Variants in ARHGEF10L observed in about 807,000 individuals in gnomAD.
ARHGEF10L encodes Rho guanine nucleotide exchange factor 10 like, also known as rho guanine nucleotide exchange factor 10-like protein.
In ARHGEF10L, 69 loss-of-function variants were observed where a neutral mutation model predicts 141.2. That is an observed-to-expected ratio of 0.49 (90% confidence interval 0.40 to 0.60). The LOEUF (loss-of-function observed/expected upper bound fraction) is 0.60. Among genes scored for constraint, ARHGEF10L ranks in the 20% least tolerant of loss-of-function variants. The pLI, the probability that ARHGEF10L is intolerant of heterozygous loss-of-function variation, is 0.00. For missense variants in ARHGEF10L, 1,482 were observed against 1,734.3 expected, an observed-to-expected ratio of 0.85 and a Z score of 2.58; for synonymous variants, 711 against 718.5, an observed-to-expected ratio of 0.99 and a Z score of 0.17.
intron 10 of ARHGEF10L, among the ~76,000 whole-genome samples, chr1:17,620,782 T>C (rs2060066534): frequency 6.6e-6 from 1 of 152,144 alleles, no homozygotes; most frequent in Non-Finnish European, 1.5e-5. Flanking sequence ...TGGGCTCCCC[T>C]TCAGACCCCT....
intron 25 of ARHGEF10L, among the ~76,000 whole-genome samples, chr1:17,657,593 G>A (rs915716824): frequency 7.9e-5 from 12 of 152,164 alleles, no homozygotes; most frequent in Admixed American, 6.5e-5. Flanking sequence ...GGTTATAAAC[G>A]GATATTTGTA....
At chr1:17,565,432 C>A (rs1192868280) in intron 1 of ARHGEF10L, among the ~76,000 whole-genome samples, 2 of 152,240 alleles carry the variant, frequency 1.3e-5, no homozygotes, top group Admixed American at 6.5e-5. Context: ...TGCAGACGAA[C>A]TATCCATGCT....
Position 17,622,981 on chromosome 1 carries a change from C to G in ARHGEF10L, c.1021-15C>G. The G allele has an allele frequency of 6.2e-7, 1 of 1,606,840 alleles. No homozygotes were observed. Among genetic ancestry groups the G allele is most frequent in the Non-Finnish European group, 8.5e-7 (1 of 1,177,798 alleles). ...TGCGGCCTGGCCTGCGGCCTCACCC[C>G]GCCCTCCCCGGCAGGACTACCGCAA... On this transcript the variant is annotated splice_polypyrimidine_tract_variant and intron_variant, in intron 11 of 28. Coordinates refer to ENST00000361221, the MANE Select transcript of ARHGEF10L (RefSeq NM_018125.4).
Position 17,607,728 on chromosome 1 carries a change from A to ACCCAGC in ARHGEF10L, c.434-74_434-73insCCCAGC. ...CCCCTCGCCCCACCTGGGTTCAGAA[A>ACCCAGC]TTGGGTCTGAGGCTGGAAGTCTGGT... On this transcript the variant is annotated intron_variant, in intron 6 of 28. Coordinates refer to ENST00000361221, the MANE Select transcript of ARHGEF10L (RefSeq NM_018125.4). This position sits in a 1 kb window ranked among gnomAD's most constrained non-coding sequence, Gnocchi z 4.5. 7.2e-7 allele frequency: 1 copy of ACCCAGC among 1,384,210 alleles called. No homozygotes were observed. Among genetic ancestry groups the ACCCAGC allele is most frequent in the Non-Finnish European group, 9.4e-7 (1 of 1,064,962 alleles). The allele number at this position is 1,384,210 out of a possible 1,614,324, so 85.7% of individuals were successfully genotyped here. A position where few individuals can be genotyped will look rare whatever the true frequency, so the allele number is the denominator to read the frequency against.
intron 26 of ARHGEF10L, among the ~76,000 whole-genome samples, chr1:17,684,776 C>T (rs2102464444): frequency 6.6e-6 from 1 of 152,292 alleles, no homozygotes; most frequent in Middle Eastern, 3.4e-3. Context: ...CAGTAGAACC[C>T]CTGTTCCAAG....
chr1:17,560,954 A>C (rs932435393), intron 1 of ARHGEF10L, among the ~76,000 whole-genome samples: 1 of 152,180 alleles, frequency 6.6e-6, no homozygotes, highest in African/African-American at 2.4e-5. Flanking sequence ...CTGACACGTG[A>C]GCAAGAGTGA....
At chr1:17,580,860 G>C (rs975976944) in intron 2 of ARHGEF10L, among the ~76,000 whole-genome samples, 1 of 152,178 alleles carries the variant, frequency 6.6e-6, no homozygotes, top group Non-Finnish European at 1.5e-5. Flanking sequence ...TCCTTTTCCT[G>C]TCTCCCTGAG....
At chr1:17,632,183 T>G (rs1310461757) in intron 15 of ARHGEF10L, 138 bp from the exon 16 acceptor site, 1 of 1,065,118 alleles carries the variant, frequency 9.4e-7, no homozygotes, top group Non-Finnish European at 1.4e-6. Context: ...CACCCAGGGA[T>G]GGAGGGAGTG....
chr1:17,565,433 T>A (rs2077712106), intron 1 of ARHGEF10L, among the ~76,000 whole-genome samples: 1 of 152,236 alleles, frequency 6.6e-6, no homozygotes, highest in Admixed American at 6.5e-5. Flanking sequence ...GCAGACGAAC[T>A]ATCCATGCTT....
At chr1:17,525,442 A>G in the ARHGEF10L span, among the ~76,000 whole-genome samples, 1 of 152,150 alleles carries the variant, frequency 6.6e-6, no homozygotes, top group Admixed American at 6.6e-5. Flanking sequence ...CCTTGAGCAA[A>G]TGCTTGACCT....
Position 17,634,901 on chromosome 1 carries a change from G to T in ARHGEF10L, c.1812G>T (p.Ala604=). The T allele has an allele frequency of 6.2e-7, 1 of 1,614,086 alleles. No individual in the cohort carries two copies. Among genetic ancestry groups the T allele is most frequent in the African/African-American group, 1.3e-5 (1 of 75,030 alleles). The change falls in exon 18 of 29, where the codon GCG becomes GCT. Residue 604 remains alanine (A), a synonymous_variant. Transcript: ENST00000361221. ...AGTATGTGGTGAAGTGGAACACGGC[G>T]CTGCCCCAGGTGCAGGTGGTGGAGG... ...GPKYVVKWNT[A]LPQVQVVEVG...
intron 21 of ARHGEF10L, among the ~76,000 whole-genome samples, chr1:17,647,684 G>A (rs570491439): frequency 2.6e-4 from 39 of 152,202 alleles, no homozygotes; most frequent in African/African-American, 8.4e-4. Context: ...AATGGACCAC[G>A]GATGATTTTA....
intron 26 of ARHGEF10L, among the ~76,000 whole-genome samples, chr1:17,682,628 G>A (rs1004686449): frequency 2.6e-5 from 4 of 152,190 alleles, no homozygotes; most frequent in African/African-American, 7.2e-5. Flanking sequence ...CTGCTCTAGT[G>A]TATAAACCTA....
At chr1:17,515,294 T>C in the ARHGEF10L span, among the ~76,000 whole-genome samples, 67 of 147,016 alleles carry the variant, frequency 4.6e-4, no homozygotes, top group African/African-American at 6.9e-4. Context: ...TTTCTCTCTT[T>C]TTTTTTTTTT....
intron 26 of ARHGEF10L, among the ~76,000 whole-genome samples, chr1:17,666,860 A>G (rs886331485): frequency 2.1e-4 from 6 of 28,192 alleles, no homozygotes; most frequent in African/African-American, 8.6e-4. Context: ...CTATCACCCC[A>G]GCCCACCCCA....
At chr1:17,684,282 T>C (rs2064380534) in intron 26 of ARHGEF10L, among the ~76,000 whole-genome samples, 1 of 152,224 alleles carries the variant, frequency 6.6e-6, no homozygotes, top group Non-Finnish European at 1.5e-5. Flanking sequence ...AACAAAATCA[T>C]TCTGCATGTT....
Position 17,634,943 on chromosome 1 carries a change from C to G in ARHGEF10L, c.1854C>G (p.Gly618=). The change falls in exon 18 of 29, where the codon GGC becomes GGG. Residue 618 remains glycine, a synonymous_variant. Transcript: ENST00000361221. ...VQVVEVGQDG[G]TYDKDNVLIQ... ...TGGTGGAGGTGGGCCAGGACGGTGG[C>G]ACCTATGACAAGGACAATGTGCTCA... 1.2e-6 allele frequency: 2 copies of G among 1,614,100 alleles called. No homozygotes were observed. Among genetic ancestry groups the G allele is most frequent in the Non-Finnish European group, 1.7e-6 (2 of 1,179,990 alleles).
chr1:17,583,059 G>GAAAAAAA (rs34079639), intron 2 of ARHGEF10L, among the ~76,000 whole-genome samples: 1 of 139,836 alleles, frequency 7.2e-6, no homozygotes. Flanking sequence ...TACAAAAAAT[G>GAAAAAAA]AAAAAAAAAA....
intron 8 of ARHGEF10L, among the ~76,000 whole-genome samples, chr1:17,614,588 G>C (rs545017573): frequency 5.7e-4 from 87 of 152,146 alleles, no homozygotes; most frequent in Non-Finnish European, 8.8e-4. Context: ...AGATCTCTGA[G>C]GGTGTGACCC....
Sources: gnomAD v4.1 joint callset for allele counts (sites outside exome capture counted in the v4.1 genomes callset) on GRCh38, gnomAD v4.1.1 for gene constraint, Gnocchi (gnomAD v3.1) non-coding constraint, MANE v1.5 for transcripts, NCBI Gene and HGNC (gene_info 2026-07-23, HGNC 2026-07-21) for gene names.